SHISA9: variants seen among roughly 807,000 people sequenced by gnomAD.
SHISA9 encodes shisa family member 9.
SHISA9 carries 13 observed loss-of-function variants against 38.0 expected under a neutral mutation model. The ratio of observed to expected loss-of-function variants is 0.34; its 90% CI spans 0.22 to 0.54. The LOEUF (loss-of-function observed/expected upper bound fraction) is 0.54. Ranked by LOEUF, SHISA9 falls within the 20% of genes least tolerant of loss-of-function variation. SHISA9 has a pLI of 0.91. For synonymous variants in SHISA9, 275 were observed against 242.0 expected, an observed-to-expected ratio of 1.14 and a Z score of -1.27; for missense variants, 538 against 575.8, an observed-to-expected ratio of 0.93 and a Z score of 0.67.
At chr16:13,387,429 G>A in the SHISA9 span, among the ~76,000 whole-genome samples, 3 of 152,122 alleles carry the variant, frequency 2.0e-5, no homozygotes, top group Non-Finnish European at 4.4e-5. Flanking sequence ...GCTGCAAGCC[G>A]AGTGATGCCT....
At chr16:13,536,244 G>A in the SHISA9 span, among the ~76,000 whole-genome samples, 4 of 152,130 alleles carry the variant, frequency 2.6e-5, no homozygotes, top group East Asian at 1.9e-4. Context: ...TGATCCGTCC[G>A]TGTCGGACTC....
chr16:13,049,449 G>A (rs993877559), intron 2 of SHISA9, among the ~76,000 whole-genome samples: 1 of 152,054 alleles, frequency 6.6e-6, no homozygotes, highest in Non-Finnish European at 1.5e-5. Flanking sequence ...TTGAAATGGG[G>A]ATTCATCAGG....
At chr16:13,487,694 A>G in the SHISA9 span, among the ~76,000 whole-genome samples, 2 of 152,360 alleles carry the variant, frequency 1.3e-5, no homozygotes, top group African/African-American at 4.8e-5. Flanking sequence ...GATTACTTAT[A>G]ATACTAACAT....
chr16:13,229,024 G>C (rs1403418479), intron 4 of SHISA9, among the ~76,000 whole-genome samples: 1 of 152,146 alleles, frequency 6.6e-6, no homozygotes, highest in African/African-American at 2.4e-5. Flanking sequence ...GCCAGGAGTG[G>C]TGTCACATAC....
At position 13,015,906 on chromosome 16, in the gene SHISA9, C is replaced by CTTTCTTTCTTTCT. The variant is rs1425113787; in HGVS notation, c.691+99094_691+99095insCTTTCTTTCTTTT. Among the ~76,000 whole-genome samples the CTTTCTTTCTTTCT allele has an allele frequency of 7.2e-5, 4 of 55,586 alleles. No individual in the cohort carries two copies. In the South Asian group the frequency reaches 1.8e-3, roughly 25 times the overall value. The allele number at this position is 55,586 out of a possible 152,430, so 36.5% of individuals were successfully genotyped here. On this transcript the variant is annotated intron_variant, in intron 2 of 4. Coordinates refer to ENST00000558583, the MANE Select transcript of SHISA9 (RefSeq NM_001145204.3). Reference sequence around the variant, plus strand: ...TCTTTCTTTCTTTCTTTCTTTCTTTCTTTTCTTTCTTTCTCCTTCCTTCCT... The same window carrying CTTTCTTTCTTTCT: ...TCTTTCTTTCTTTCTTTCTTTCTTTCTTTCTTTCTTTCTTTTTCTTTCTTTCTCCTTCCTTCCT...
chr16:13,333,291 C>A, the SHISA9 span, among the ~76,000 whole-genome samples: 52 of 152,318 alleles, frequency 3.4e-4, no homozygotes, highest in African/African-American at 1.2e-3. Flanking sequence ...GCAATCAAAT[C>A]CTCTTCTGAT....
At chr16:13,071,600 C>CCTTCCTT (rs372979908) in intron 2 of SHISA9, among the ~76,000 whole-genome samples, 15 of 145,158 alleles carry the variant, frequency 1.0e-4, no homozygotes, top group African/African-American at 4.0e-4. Flanking sequence ...TTCCTTCCTT[C>CCTTCCTT]CCTTTCTTCC....
the SHISA9 span, among the ~76,000 whole-genome samples, chr16:13,365,966 ACTTCATCTC>A: frequency 0.023 from 3,456 of 152,260 alleles, 61 homozygotes; most frequent in Middle Eastern, 0.071. Flanking sequence ...CCCTAAGGAA[ACTTCATCTC>A]ATAGAAAATA....
the SHISA9 span, among the ~76,000 whole-genome samples, chr16:13,539,315 TATAAAGACAGG>T: frequency 2.5e-5 from 1 of 39,480 alleles, no homozygotes; most frequent in Non-Finnish European, 5.8e-5. Flanking sequence ...TATATATATA[TATAAAGACAGG>T]ATCTTTATAT....
At chr16:12,991,784 C>T (rs1265324307) in intron 2 of SHISA9, among the ~76,000 whole-genome samples, 1 of 152,098 alleles carries the variant, frequency 6.6e-6, no homozygotes, top group East Asian at 1.9e-4. Context: ...AAGCATCCAC[C>T]TTGTAGCACT....
the SHISA9 span, among the ~76,000 whole-genome samples, chr16:13,264,740 A>G: frequency 6.6e-6 from 1 of 152,100 alleles, no homozygotes; most frequent in Non-Finnish European, 1.5e-5. Flanking sequence ...GAGTGAAAAA[A>G]CAAAACAGCA....
chr16:13,301,309 G>C, the SHISA9 span, among the ~76,000 whole-genome samples: 1 of 152,200 alleles, frequency 6.6e-6, no homozygotes, highest in Non-Finnish European at 1.5e-5. Flanking sequence ...TTAATGTGCA[G>C]AAGAACCACT....
the SHISA9 span, among the ~76,000 whole-genome samples, chr16:13,342,944 A>G: frequency 6.6e-6 from 1 of 152,204 alleles, no homozygotes; most frequent in Non-Finnish European, 1.5e-5. Flanking sequence ...TTCCTATTGA[A>G]ATTGCTTTTC....
chr16:13,108,617 A>T lies in SHISA9; in HGVS notation c.692-94777A>T, dbSNP rs533398307. Among the ~76,000 whole-genome samples the T allele has an allele frequency of 7.2e-4, 110 of 152,258 alleles. 1 individual carries two copies. Among genetic ancestry groups the T allele is most frequent in the Non-Finnish European group, 1.2e-3 (83 of 68,024 alleles). On this transcript the variant is annotated intron_variant, in intron 2 of 4. Coordinates refer to ENST00000558583, the MANE Select transcript of SHISA9 (RefSeq NM_001145204.3). ...CAACCGTTACCTCAAGACACATGAG[A>T]CTGCATGCTTACTAATTTCTGGGAA...
intron 2 of SHISA9, among the ~76,000 whole-genome samples, chr16:13,026,024 C>T (rs550643725): frequency 3.3e-5 from 5 of 152,184 alleles, no homozygotes; most frequent in South Asian, 4.2e-4. Flanking sequence ...AGGCTGGTCT[C>T]GAACTCCCGA....
chr16:13,141,567 C>A (rs1284321018), intron 2 of SHISA9, among the ~76,000 whole-genome samples: 1 of 151,848 alleles, frequency 6.6e-6, no homozygotes, highest in Non-Finnish European at 1.5e-5. Flanking sequence ...GCCTGTAGTC[C>A]CAGCTACTGG....
chr16:13,234,957 ACTCTCT>A (rs71147791), intron 4 of SHISA9, 67 bp from the exon 5 acceptor site: 22,345 of 1,323,512 alleles, frequency 0.017, 41 homozygotes, highest in Non-Finnish European at 0.019. Flanking sequence ...CCAGTCTCTA[ACTCTCT>A]CTCTCTCTCT....
At chr16:13,499,008 G>T in the SHISA9 span, among the ~76,000 whole-genome samples, 11 of 152,196 alleles carry the variant, frequency 7.2e-5, no homozygotes, top group Admixed American at 7.2e-4. Context: ...GACATAAGGT[G>T]AGAGGTCTGC....
chr16:13,186,445 A>T (rs967422895), intron 2 of SHISA9, among the ~76,000 whole-genome samples: 7 of 151,546 alleles, frequency 4.6e-5, no homozygotes, highest in Admixed American at 2.0e-4. Flanking sequence ...TTACAGGTGC[A>T]TGCCACCACA....
Sources: allele counts gnomAD v4.1 joint callset (sites outside exome capture counted in the v4.1 genomes callset), GRCh38; gene constraint gnomAD v4.1.1; transcripts MANE v1.5; gene names NCBI Gene and HGNC (gene_info 2026-07-23, HGNC 2026-07-21).